The following DOCK2 variants were observed in gnomAD, a reference collection of about 807,000 sequenced individuals.
DOCK2 encodes the protein dedicator of cytokinesis 2.
Under a neutral mutation model 248.9 loss-of-function variants are expected in DOCK2, and 87 were observed. The observed-to-expected ratio is 0.35, with a 90% confidence interval of 0.29 to 0.42. The LOEUF (loss-of-function observed/expected upper bound fraction) is 0.42, where lower values mean the gene tolerates loss of function less well. DOCK2 is among the 10% of genes least tolerant of loss of function. DOCK2 has a pLI of 1.00. For synonymous variants in DOCK2, 805 were observed against 821.6 expected (o/e 0.98, Z 0.35); for missense variants, 1,747 against 2,300.2 (o/e 0.76, Z 4.92).
chr5:170,052,036 G>T (rs987542016), intron 41 of DOCK2, among the ~76,000 whole-genome samples: 1 of 152,226 alleles, frequency 6.6e-6, no homozygotes, highest in African/African-American at 2.4e-5. Flanking sequence ...AGGGCCAACT[G>T]CTGAGCCAGG....
At chr5:169,855,832 T>A (rs1770860474) in intron 27 of DOCK2, among the ~76,000 whole-genome samples, 1 of 152,230 alleles carries the variant, frequency 6.6e-6, no homozygotes, top group African/African-American at 2.4e-5. Flanking sequence ...TATGTATTGG[T>A]CTGTTTTAAC....
chr5:169,697,085 T>A (rs1474108969), intron 10 of DOCK2, among the ~76,000 whole-genome samples: 1 of 152,102 alleles, frequency 6.6e-6, no homozygotes, highest in African/African-American at 2.4e-5. Context: ...TAGCCTGCCC[T>A]CTCTTTTGGT....
At chr5:169,920,589 A>T (rs762480010) in intron 27 of DOCK2, among the ~76,000 whole-genome samples, 10 of 152,150 alleles carry the variant, frequency 6.6e-5, no homozygotes, top group Non-Finnish European at 1.2e-4. Flanking sequence ...ATGGGTTTGG[A>T]AAGAGGGCAT....
rs1415027314 is a variant in DOCK2 at position 169,681,741 on chromosome 5, C to T, written c.471-3C>T. On this transcript the variant is annotated splice_polypyrimidine_tract_variant and splice_region_variant and intron_variant, in intron 6 of 51. Coordinates refer to ENST00000520908, the MANE Select transcript of DOCK2 (RefSeq NM_004946.3). ...GTCTTCACCTCCAGTTTTTGCTTTA[C>T]AGAATCCTTGAGCTTGATTTGATTG... 1.2e-6 allele frequency: 2 copies of T among 1,612,634 alleles called. No homozygotes were observed. The highest frequency in any genetic ancestry group is 3.3e-5 in the Admixed American group (2 of 59,732).
chr5:169,781,570 T>C (rs912905267), intron 25 of DOCK2, among the ~76,000 whole-genome samples: 1 of 152,216 alleles, frequency 6.6e-6, no homozygotes, highest in African/African-American at 2.4e-5. Flanking sequence ...AGGCATTCTG[T>C]TATCCTGGGG....
intron 25 of DOCK2, among the ~76,000 whole-genome samples, chr5:169,796,247 G>A (rs1766647166): frequency 6.6e-6 from 1 of 152,156 alleles, no homozygotes; most frequent in Non-Finnish European, 1.5e-5. Flanking sequence ...GTATTCTGAT[G>A]GTGGGACCAG....
At chr5:169,882,995 C>A (rs1772751549) in intron 27 of DOCK2, 2 of 1,551,644 alleles carry the variant, frequency 1.3e-6, no homozygotes, top group East Asian at 4.9e-5. Context: ...GATGAAGGAA[C>A]ACACGTTTCC....
intron 27 of DOCK2, among the ~76,000 whole-genome samples, chr5:169,913,897 A>G (rs1774739895): frequency 1.3e-5 from 2 of 152,210 alleles, no homozygotes; most frequent in African/African-American, 4.8e-5. Flanking sequence ...TTTTAATCCT[A>G]AATTCCAGTT....
chr5:170,044,286 C>T (rs943291490), intron 38 of DOCK2, among the ~76,000 whole-genome samples: 6 of 152,208 alleles, frequency 3.9e-5, no homozygotes, highest in African/African-American at 1.4e-4. Context: ...GTCTGTGTCT[C>T]GTCCATCTTT....
chr5:170,051,310 G>A lies in DOCK2; in HGVS notation c.4213+913G>A, dbSNP rs192419618. 5.9e-5 allele frequency among the ~76,000 whole-genome samples: 9 copies of A among 152,242 alleles called. No homozygotes were observed. The East Asian group carries it at 9.7e-4, about 16-fold the overall frequency. ...TCTGACCCCTGCCTGCCTGTCCAAC[G>A]TCAGCCCCACCCCCATCCTTCCTTC... On this transcript the variant is annotated intron_variant, in intron 41 of 51. Coordinates refer to ENST00000520908, the MANE Select transcript of DOCK2 (RefSeq NM_004946.3).
At chr5:169,868,382 C>T (rs971575909) in intron 27 of DOCK2, among the ~76,000 whole-genome samples, 14 of 152,240 alleles carry the variant, frequency 9.2e-5, no homozygotes, top group Non-Finnish European at 8.8e-5. Flanking sequence ...TGTGAAGTGT[C>T]TCTGACTTCA....
At chr5:169,726,344 G>C (rs193015031) in intron 22 of DOCK2, among the ~76,000 whole-genome samples, 7 of 152,208 alleles carry the variant, frequency 4.6e-5, no homozygotes, top group Admixed American at 4.6e-4. Flanking sequence ...CCCACTTTTT[G>C]ATGGGGTTGT....
At chr5:169,920,830 C>T (rs1775131745) in intron 27 of DOCK2, among the ~76,000 whole-genome samples, 1 of 149,296 alleles carries the variant, frequency 6.7e-6, no homozygotes, top group Non-Finnish European at 1.5e-5. Flanking sequence ...GATGGCTCTT[C>T]TTGTCTTTCT....
intron 26 of DOCK2, among the ~76,000 whole-genome samples, chr5:169,834,798 A>G (rs1769453632): frequency 1.3e-5 from 2 of 152,388 alleles, no homozygotes; most frequent in Admixed American, 1.3e-4. Context: ...AAATGAGAAC[A>G]TAGCCCCAAG....
chr5:169,926,666 A>G (rs1202370838), intron 27 of DOCK2, among the ~76,000 whole-genome samples: 3 of 152,252 alleles, frequency 2.0e-5, no homozygotes. Flanking sequence ...TTACCATGGC[A>G]TAGGACTAGA....
intron 41 of DOCK2, among the ~76,000 whole-genome samples, chr5:170,050,744 G>A (rs979468099): frequency 5.3e-5 from 8 of 152,270 alleles, no homozygotes; most frequent in Non-Finnish European, 1.0e-4. Context: ...ATCTCCCACG[G>A]TGCCTGGTAC....
At chr5:170,013,817 C>G (rs1755403001) in intron 32 of DOCK2, among the ~76,000 whole-genome samples, 1 of 152,118 alleles carries the variant, frequency 6.6e-6, no homozygotes, top group African/African-American at 2.4e-5. Context: ...CTCTACATGC[C>G]AGGTACTATG....
chr5:169,937,915 T>C (rs549741993), intron 27 of DOCK2, among the ~76,000 whole-genome samples: 5 of 152,216 alleles, frequency 3.3e-5, no homozygotes, highest in African/African-American at 1.2e-4. Context: ...CTCCCTTCTT[T>C]GTCTTTCACA....
intron 27 of DOCK2, chr5:169,875,260 C>G (rs1219812411): frequency 2.2e-6 from 1 of 456,596 alleles, no homozygotes; most frequent in Non-Finnish European, 4.4e-6. Flanking sequence ...CCATCCTCCA[C>G]CCCACACTCT....
Sources: gnomAD v4.1 joint callset for allele counts (sites outside exome capture counted in the v4.1 genomes callset) on GRCh38, gnomAD v4.1.1 for gene constraint, MANE v1.5 for transcripts, NCBI Gene and HGNC (gene_info 2026-07-23, HGNC 2026-07-21) for gene names.